The following PDZD2 variants were observed in gnomAD, a reference collection of about 807,000 sequenced individuals.
The protein encoded by PDZD2 is PDZ domain-containing protein 2.
In PDZD2, 90 loss-of-function variants were observed where a neutral mutation model predicts 220.7. That is an observed-to-expected ratio of 0.41 (90% CI 0.34 to 0.49). The LOEUF (loss-of-function observed/expected upper bound fraction) is 0.49, where lower values mean the gene tolerates loss of function less well. Ranked by LOEUF, PDZD2 falls within the 20% of genes least tolerant of loss-of-function variation. PDZD2 has a pLI of 0.28. For synonymous variants in PDZD2, 1,375 were observed against 1,450.5 expected (o/e 0.95, Z 1.18); for missense variants, 3,174 against 3,608.5 (o/e 0.88, Z 3.08).
intron 1 of PDZD2, among the ~76,000 whole-genome samples, chr5:31,663,871 G>T (rs1049453895): frequency 6.6e-6 from 1 of 151,708 alleles, no homozygotes; most frequent in Admixed American, 6.6e-5. Flanking sequence ...GTGTGTGTGT[G>T]TGTGTATGCG....
At chr5:31,938,278 A>G (rs1321789888) in intron 2 of PDZD2, among the ~76,000 whole-genome samples, 1 of 152,190 alleles carries the variant, frequency 6.6e-6, no homozygotes, top group Non-Finnish European at 1.5e-5. Flanking sequence ...TTGATGCAGC[A>G]AGTTAAGCCC....
At chr5:31,751,579 C>T (rs1190274256) in intron 1 of PDZD2, among the ~76,000 whole-genome samples, 1 of 145,416 alleles carries the variant, frequency 6.9e-6, no homozygotes, top group African/African-American at 2.5e-5. Context: ...TAATTTCCTG[C>T]TTGTAAGTTT....
intron 2 of PDZD2, among the ~76,000 whole-genome samples, chr5:31,833,645 A>AAG (rs1756761637): frequency 7.3e-6 from 1 of 136,370 alleles, no homozygotes. Flanking sequence ...CAAAAAAAAA[A>AAG]AAAAAGAAAA....
At chr5:31,968,565 A>G (rs1748973379) in intron 2 of PDZD2, among the ~76,000 whole-genome samples, 1 of 151,890 alleles carries the variant, frequency 6.6e-6, no homozygotes, top group Non-Finnish European at 1.5e-5. Flanking sequence ...AGGCAGGAAA[A>G]TTGCTTGAAC....
At chr5:31,722,065 C>T (rs1748839905) in intron 1 of PDZD2, among the ~76,000 whole-genome samples, 1 of 152,192 alleles carries the variant, frequency 6.6e-6, no homozygotes, top group Admixed American at 6.5e-5. Context: ...CCCAGGTGCA[C>T]TGCTTCCATC....
chr5:31,992,616 G>A (rs531948789), intron 3 of PDZD2, among the ~76,000 whole-genome samples: 1 of 152,278 alleles, frequency 6.6e-6, no homozygotes, highest in Non-Finnish European at 1.5e-5. Flanking sequence ...AGGGGAAAAG[G>A]AGAAAAGAAT....
At chr5:32,015,603 C>CG (rs1405128747) in intron 6 of PDZD2, among the ~76,000 whole-genome samples, 2 of 152,118 alleles carry the variant, frequency 1.3e-5, no homozygotes, top group Non-Finnish European at 2.9e-5. Flanking sequence ...TAAATGTTTA[C>CG]GATCTCCAAT....
intron 1 of PDZD2, among the ~76,000 whole-genome samples, chr5:31,772,408 G>C (rs10035843): frequency 6.6e-6 from 1 of 152,174 alleles, no homozygotes; most frequent in Non-Finnish European, 1.5e-5. Flanking sequence ...AGCAGTAGGG[G>C]CTACCTGCAT....
At chr5:31,723,179 A>G (rs937769058) in intron 1 of PDZD2, among the ~76,000 whole-genome samples, 1 of 152,274 alleles carries the variant, frequency 6.6e-6, no homozygotes, top group Non-Finnish European at 1.5e-5. Flanking sequence ...TTCCGCAAAC[A>G]GTATTTAAAA....
At chr5:31,814,399 C>T (rs922031029) in intron 2 of PDZD2, among the ~76,000 whole-genome samples, 3 of 152,144 alleles carry the variant, frequency 2.0e-5, no homozygotes, top group African/African-American at 7.2e-5. Context: ...AGGTTACAGC[C>T]TGATTTTACA....
At chr5:31,693,919 C>G (rs1426189013) in intron 1 of PDZD2, among the ~76,000 whole-genome samples, 1 of 152,172 alleles carries the variant, frequency 6.6e-6, no homozygotes, top group African/African-American at 2.4e-5. Flanking sequence ...TAACTCCTTC[C>G]TGCTTCCCAG....
intron 1 of PDZD2, among the ~76,000 whole-genome samples, chr5:31,747,274 T>G (rs1239954039): frequency 6.6e-6 from 1 of 152,224 alleles, no homozygotes; most frequent in African/African-American, 2.4e-5. Context: ...TGCTTGGCTT[T>G]CGTGAAGCAT....
intron 2 of PDZD2, among the ~76,000 whole-genome samples, chr5:31,863,325 ACT>A (rs1737899680): frequency 6.6e-6 from 1 of 152,212 alleles, no homozygotes; most frequent in Admixed American, 6.5e-5. Context: ...TTTTGGAAGC[ACT>A]GATATTTTTG....
intron 19 of PDZD2, among the ~76,000 whole-genome samples, chr5:32,084,948 C>CTTTTTTTTT (rs745430355): frequency 6.4e-5 from 6 of 94,474 alleles, no homozygotes; most frequent in Non-Finnish European, 1.0e-4. Context: ...ATTCTGTTGC[C>CTTTTTTTTT]TTTTTTTTTT....
At chr5:32,054,270 A>G (rs1172355878) in intron 10 of PDZD2, among the ~76,000 whole-genome samples, 1 of 148,528 alleles carries the variant, frequency 6.7e-6, no homozygotes, top group Admixed American at 6.8e-5. Context: ...ATATCTTGCT[A>G]CAGAAATCAA....
At chr5:32,013,355 G>A (rs1753478521) in intron 6 of PDZD2, among the ~76,000 whole-genome samples, 1 of 144,692 alleles carries the variant, frequency 6.9e-6, no homozygotes, top group African/African-American at 2.6e-5. Context: ...TCCTTACATG[G>A]CTTATAGCAG....
At chr5:31,711,499 G>A (rs530220777) in intron 1 of PDZD2, among the ~76,000 whole-genome samples, 24 of 152,328 alleles carry the variant, frequency 1.6e-4, no homozygotes, top group African/African-American at 5.3e-4. Flanking sequence ...TAAAGGACAC[G>A]CACAAGCTGG....
chr5:31,855,783 A>C (rs183032234), intron 2 of PDZD2, among the ~76,000 whole-genome samples: 1 of 152,250 alleles, frequency 6.6e-6, no homozygotes, highest in Non-Finnish European at 1.5e-5. Context: ...TTTTGATCAT[A>C]GGATCCACAA....
intron 1 of PDZD2, among the ~76,000 whole-genome samples, chr5:31,720,309 T>C (rs1276545442): frequency 2.0e-5 from 3 of 152,144 alleles, no homozygotes; most frequent in Non-Finnish European, 2.9e-5. Flanking sequence ...GGAAAGGCAA[T>C]GAGTAACCAA....
Sources: allele counts gnomAD v4.1 joint callset (sites outside exome capture counted in the v4.1 genomes callset), GRCh38; gene constraint gnomAD v4.1.1; transcripts MANE v1.5; gene names NCBI Gene and HGNC (gene_info 2026-07-23, HGNC 2026-07-21).